TAPBPL: variants seen among roughly 807,000 people sequenced by gnomAD.
TAPBPL encodes tapasin-related protein.
In TAPBPL, 32 loss-of-function variants were observed where a neutral mutation model predicts 44.8. The observed-to-expected ratio is 0.71, with a 90% confidence interval of 0.54 to 0.96. The LOEUF (loss-of-function observed/expected upper bound fraction) is 0.96, where lower values mean the gene tolerates loss of function less well. TAPBPL is among the 40% of genes least tolerant of loss of function. TAPBPL has a pLI of 0.00. For synonymous variants in TAPBPL, 230 were observed against 240.7 expected (o/e 0.96, Z 0.41); for missense variants, 520 against 586.6 (o/e 0.89, Z 1.17).
At chr12:6,452,735 C>A in intron 1 of TAPBPL, 1 of 644,616 alleles carries the variant, frequency 1.6e-6, no homozygotes, top group Non-Finnish European at 2.4e-6. Flanking sequence ...CCAGTCTCCT[C>A]TCTCTGCGGT....
chr12:6,463,930 G>C (rs1364085048), downstream of TAPBPL: 1 of 1,288,838 alleles, frequency 7.8e-7, no homozygotes, highest in Admixed American at 2.3e-5. This position sits in a 1 kb window ranked among gnomAD's most constrained non-coding sequence, Gnocchi z 4.0. Flanking sequence ...TTTCGAAAAG[G>C]GTACTGCACT....
chr12:6,465,025 T>C, downstream of TAPBPL: 1 of 1,589,078 alleles, frequency 6.3e-7, no homozygotes. Context: ...ACAGAATTCC[T>C]TCCATCCTTG....
At chr12:6,459,350 A>G (rs1949783877) in intron 5 of TAPBPL, among the ~76,000 whole-genome samples, 1 of 152,268 alleles carries the variant, frequency 6.6e-6, no homozygotes, top group South Asian at 2.1e-4. Flanking sequence ...AAGCCAAATC[A>G]TAAAACAGCC....
intron 4 of TAPBPL, 94 bp from the exon 5 acceptor site, chr12:6,458,551 T>C (rs1048564275): frequency 6.8e-7 from 1 of 1,460,808 alleles, no homozygotes; most frequent in Admixed American, 1.9e-5. Context: ...GCCTCCACAA[T>C]CTACTCTCAT....
Position 6,453,406 on chromosome 12 carries a change from C to G in TAPBPL, c.296-41C>G. ...TGCCTCCCGTTGGCCCTGGTGTTCT[C>G]ACGCTAATTTGCCCTCTGTGTGTGC... On this transcript the variant is annotated intron_variant, in intron 2 of 6. Transcript: ENST00000266556. The surrounding 1 kb of genome is among the most constrained non-coding windows in gnomAD (Gnocchi z 4.8). The G allele has an allele frequency of 6.2e-7, 1 of 1,610,918 alleles. No homozygotes were observed. The highest frequency in any genetic ancestry group is 1.1e-5 in the South Asian group (1 of 90,674).
chr12:6,452,750 C>T, intron 1 of TAPBPL: 1 of 611,664 alleles, frequency 1.6e-6, no homozygotes, highest in East Asian at 3.7e-5. Flanking sequence ...TGCGGTGGCA[C>T]TTGCTTGTTT....
chr12:6,455,495 C>T (rs1047414995), intron 3 of TAPBPL, among the ~76,000 whole-genome samples: 1 of 152,104 alleles, frequency 6.6e-6, no homozygotes, highest in Admixed American at 6.5e-5. Flanking sequence ...CACCATCTCC[C>T]GACACTGGCA....
rs558917352 is a variant in TAPBPL at position 6,460,736 on chromosome 12, A to G, written c.1208-119A>G. The G allele has an allele frequency of 8.4e-5, 77 of 915,886 alleles. No individual in the cohort carries two copies. In the African/African-American group the frequency reaches 9.6e-4, roughly 11 times the overall value. The allele number at this position is 915,886 out of a possible 1,614,324, so 56.7% of individuals were successfully genotyped here. ...TGAGTGCCTTGTTCCAGGCTCCTCA[A>G]CCAGGGACTCACACACACAATCCTT... On this transcript the variant is annotated intron_variant, in intron 5 of 6. Transcript: ENST00000266556.
chr12:6,461,255 G>A (rs1002023502), intron 6 of TAPBPL: 11 of 1,200,422 alleles, frequency 9.2e-6, no homozygotes, highest in Non-Finnish European at 4.2e-6. Flanking sequence ...ATGGGGCACT[G>A]GGCCTGGCTC....
rs1231841347 is a variant in TAPBPL, at chr12:6,452,172, C to T, written c.-77C>T. 8.5e-6 allele frequency: 13 copies of T among 1,528,376 alleles called. No individual in the cohort carries two copies. Among genetic ancestry groups the T allele is most frequent in the Non-Finnish European group, 1.1e-5 (12 of 1,127,308 alleles). The allele number at this position is 1,528,376 out of a possible 1,614,324, so 94.7% of individuals were successfully genotyped here. ...CCAGGTGTGCTTGGAGAGCCCCCTTCTTCCGCCGGGCCTCGCAAGCAGCGT... is the reference window on the plus strand; with the variant it reads ...CCAGGTGTGCTTGGAGAGCCCCCTTTTTCCGCCGGGCCTCGCAAGCAGCGT... On this transcript the variant is annotated 5_prime_UTR_variant, in exon 1 of 7. Coordinates refer to ENST00000266556, the MANE Select transcript of TAPBPL (RefSeq NM_018009.5).
downstream of TAPBPL, chr12:6,466,455 G>A: frequency 2.2e-6 from 3 of 1,335,586 alleles, no homozygotes; most frequent in Non-Finnish European, 3.0e-6. Context: ...GGCTGAAGTG[G>A]GAGGAGCGCT....
chr12:6,465,408 ATATATG>A (rs1489356694), downstream of TAPBPL: 21 of 87,176 alleles, frequency 2.4e-4, no homozygotes, highest in African/African-American at 7.7e-4. Flanking sequence ...ATAAATGTAT[ATATATG>A]TATATATATA....
chr12:6,470,883 A>G (rs1945761039), downstream of TAPBPL: 4 of 369,712 alleles, frequency 1.1e-5, no homozygotes, highest in South Asian at 1.4e-4. Flanking sequence ...TCAGTGATCA[A>G]TGCGACCATA....
downstream of TAPBPL, chr12:6,464,807 T>TC (rs1164043413): frequency 6.2e-7 from 1 of 1,601,948 alleles, no homozygotes; most frequent in Non-Finnish European, 8.5e-7. Flanking sequence ...GCAGCCCCAC[T>TC]CCCCAGGCAG....
downstream of TAPBPL, among the ~76,000 whole-genome samples, chr12:6,467,657 G>A (rs371585767): frequency 1.3e-5 from 2 of 152,350 alleles, no homozygotes; most frequent in South Asian, 4.1e-4. Flanking sequence ...CTAAGACCAT[G>A]GGGAAAATGT....
chr12:6,470,472 G>C, downstream of TAPBPL: 3 of 1,612,796 alleles, frequency 1.9e-6, no homozygotes, highest in Non-Finnish European at 2.5e-6. Context: ...GCAGAATCGG[G>C]AGCTTGGGGC....
downstream of TAPBPL, chr12:6,464,254 G>C (rs1949948352): frequency 6.6e-7 from 1 of 1,521,182 alleles, no homozygotes; most frequent in African/African-American, 1.4e-5. Context: ...GCCAGCTGTT[G>C]CTCTTCGGGT....
At chr12:6,457,340 G>T in intron 3 of TAPBPL, 66 bp from the exon 4 acceptor site, 1 of 1,505,220 alleles carries the variant, frequency 6.6e-7, no homozygotes, top group Non-Finnish European at 9.0e-7. Context: ...CATGCCCACA[G>T]CTTGGAGATC....
At chr12:6,463,995 G>A (rs894090650), downstream of TAPBPL, 1 of 1,291,696 alleles carries the variant, frequency 7.7e-7, no homozygotes, top group Non-Finnish European at 1.0e-6. The surrounding 1 kb of genome is among the most constrained non-coding windows in gnomAD (Gnocchi z 4.0). Context: ...CCTGGTCCAG[G>A]AAGGAAAGCT....
Sources: gnomAD v4.1 joint callset for allele counts (sites outside exome capture counted in the v4.1 genomes callset) on GRCh38, gnomAD v4.1.1 for gene constraint, Gnocchi (gnomAD v3.1) non-coding constraint, MANE v1.5 for transcripts, NCBI Gene and HGNC (gene_info 2026-07-23, HGNC 2026-07-21) for gene names.